The following CSNK1G1 variants were observed in gnomAD, a reference collection of about 807,000 sequenced individuals.
CSNK1G1 encodes casein kinase I isoform gamma-1.
CSNK1G1 carries 22 observed loss-of-function variants against 59.6 expected under a neutral mutation model. The observed-to-expected ratio is 0.37, with a 90% CI of 0.26 to 0.53. The LOEUF (loss-of-function observed/expected upper bound fraction) is 0.53, where lower values mean the gene tolerates loss of function less well. CSNK1G1 is among the 20% of genes least tolerant of loss of function. The pLI, the probability that CSNK1G1 is intolerant of heterozygous loss-of-function variation, is 0.89. For synonymous variants in CSNK1G1, 179 were observed against 177.1 expected, an observed-to-expected ratio of 1.01 and a Z score of -0.08; for missense variants, 384 against 519.5, an observed-to-expected ratio of 0.74 and a Z score of 2.54.
chr15:64,194,409 C>T (rs1330470344), intron 10 of CSNK1G1: 3 of 151,582 alleles, frequency 2.0e-5, no homozygotes, highest in African/African-American at 7.3e-5. Context: ...AGCAATGTGG[C>T]CTAATGTTTC....
intron 1 of CSNK1G1, among the ~76,000 whole-genome samples, chr15:64,324,865 A>G (rs1486347906): frequency 6.6e-6 from 1 of 152,236 alleles, no homozygotes; most frequent in African/African-American, 2.4e-5. Flanking sequence ...ACAAATGCAC[A>G]TGGTATTATA....
chr15:64,204,333 T>C, intron 9 of CSNK1G1, 108 bp downstream of exon 9: 3 of 953,806 alleles, frequency 3.1e-6, no homozygotes, highest in Non-Finnish European at 3.0e-6. Context: ...AAAGGAATAT[T>C]TTTACCAAAG....
chr15:64,233,971 A>G (rs1344793959), intron 4 of CSNK1G1, among the ~76,000 whole-genome samples: 1 of 152,188 alleles, frequency 6.6e-6, no homozygotes, highest in Non-Finnish European at 1.5e-5. Flanking sequence ...ATGTTTCCTG[A>G]CAATGCAGGT....
chr15:64,297,562 C>G (rs947048445), intron 2 of CSNK1G1, among the ~76,000 whole-genome samples: 1 of 151,922 alleles, frequency 6.6e-6, no homozygotes, highest in African/African-American at 2.4e-5. Context: ...AAAAAATTAG[C>G]TGGGCGTGTT....
rs986495334 is a variant in CSNK1G1, at chr15:64,256,252, C to G, written c.222+2949G>C. Among the ~76,000 whole-genome samples the G allele has an allele frequency of 3.7e-4, 57 of 152,336 alleles. 1 individual carries two copies. The highest frequency in any genetic ancestry group is 1.2e-3 in the African/African-American group (50 of 41,564). On this transcript the variant is annotated intron_variant, in intron 3 of 11. Transcript: ENST00000303052. ...CAGAGAAATCGCTTTTGGATTCTGA[C>G]AAACCACAGAGGCAATGAATTTTAA...
At chr15:64,198,017 T>A (rs1175396097) in intron 10 of CSNK1G1, among the ~76,000 whole-genome samples, 1 of 151,966 alleles carries the variant, frequency 6.6e-6, no homozygotes, top group Non-Finnish European at 1.5e-5. Flanking sequence ...TCTCATCAAA[T>A]TATTTGTCTT....
rs2082314558 is a variant in CSNK1G1, at chr15:64,216,570, T to C, written c.436A>G (p.Ile146Val). The C allele has an allele frequency of 6.2e-7, 1 of 1,613,848 alleles. No individual in the cohort carries two copies. Among genetic ancestry groups the C allele is most frequent in the African/African-American group, 1.3e-5 (1 of 75,024 alleles). Reference sequence around the variant, plus strand: ...GAGCAATTCCAACTTACCAGCTGGATGGCTATCATTAACACCGTCTTCAAA... The same window carrying C: ...GAGCAATTCCAACTTACCAGCTGGACGGCTATCATTAACACCGTCTTCAAA... ...FTLKTVLMIA[I>V]QLLSRMEYVH... is the part of the protein sequence containing the mutation. Residue 146 changes from isoleucine to valine, a missense_variant, in exon 5 of 12, where the codon ATC becomes GTC. By Grantham distance (29) the Ile-to-Val change is conservative (BLOSUM62 3). Around this residue, in one of 3 missense-constraint regions of CSNK1G1, gnomAD observed 325 missense variants for 440.9 expected, o/e 0.74. Transcript: ENST00000303052. This position sits in a 1 kb window ranked among gnomAD's most constrained non-coding sequence, Gnocchi z 4.6.
intron 1 of CSNK1G1, among the ~76,000 whole-genome samples, chr15:64,307,321 A>G (rs547062305): frequency 2.0e-5 from 3 of 152,308 alleles, no homozygotes; most frequent in African/African-American, 4.8e-5. Context: ...AAATCTAAAA[A>G]TAAAGCCTGT....
intron 1 of CSNK1G1, among the ~76,000 whole-genome samples, chr15:64,351,949 A>G (rs546292805): frequency 6.6e-6 from 1 of 152,298 alleles, no homozygotes; most frequent in Admixed American, 6.5e-5. Flanking sequence ...GGAGCTTCTG[A>G]GAGCTTTACC....
intron 4 of CSNK1G1, among the ~76,000 whole-genome samples, chr15:64,236,142 C>CAAAAAA (rs532663571): frequency 5.3e-4 from 36 of 67,528 alleles, no homozygotes; most frequent in South Asian, 1.1e-3. Context: ...GACTCCATCT[C>CAAAAAA]AAAAAAAAAA....
chr15:64,232,374 A>C (rs1027662641), intron 4 of CSNK1G1, among the ~76,000 whole-genome samples: 4 of 152,250 alleles, frequency 2.6e-5, no homozygotes, highest in African/African-American at 7.2e-5. Flanking sequence ...AGTAGGCACA[A>C]GGAGTTATCT....
At chr15:64,175,271 T>G (rs781626570) in intron 11 of CSNK1G1, among the ~76,000 whole-genome samples, 2 of 152,078 alleles carry the variant, frequency 1.3e-5, no homozygotes, top group Non-Finnish European at 2.9e-5. Flanking sequence ...CAATCTGGCT[T>G]AGATAGTTAG....
chr15:64,266,812 TAGAA>T (rs767457885), intron 2 of CSNK1G1, among the ~76,000 whole-genome samples: 8 of 152,126 alleles, frequency 5.3e-5, no homozygotes, highest in Non-Finnish European at 1.0e-4. Context: ...TATTCACACA[TAGAA>T]GGAAGAAAGT....
chr15:64,183,857 T>A (rs1388894778), intron 10 of CSNK1G1, among the ~76,000 whole-genome samples: 1 of 151,434 alleles, frequency 6.6e-6, no homozygotes, highest in Non-Finnish European at 1.5e-5. Context: ...TGCCTCAGCC[T>A]CCCGAGTAGC....
At chr15:64,266,733 C>T (rs1025756322) in intron 2 of CSNK1G1, among the ~76,000 whole-genome samples, 2 of 152,084 alleles carry the variant, frequency 1.3e-5, no homozygotes, top group African/African-American at 4.8e-5. Flanking sequence ...AACTGATTTT[C>T]GACAAAGATG....
At chr15:64,208,929 C>T (rs544764888) in intron 6 of CSNK1G1, among the ~76,000 whole-genome samples, 2 of 151,088 alleles carry the variant, frequency 1.3e-5, no homozygotes, top group African/African-American at 2.4e-5. Flanking sequence ...GCTCTGTTGC[C>T]TAGGCTAGAG....
At chr15:64,316,008 T>A (rs1332956190) in intron 1 of CSNK1G1, among the ~76,000 whole-genome samples, 1 of 152,150 alleles carries the variant, frequency 6.6e-6, no homozygotes, top group African/African-American at 2.4e-5. Context: ...AAAGCACACA[T>A]TTGGGTTTTG....
At chr15:64,180,499 G>A (rs1457540230) in intron 10 of CSNK1G1, 45 bp from the exon 11 acceptor site, 8 of 1,494,914 alleles carry the variant, frequency 5.4e-6, no homozygotes, top group African/African-American at 4.1e-5. Context: ...CATGGCAACA[G>A]AAATCTCTTG....
intron 2 of CSNK1G1, among the ~76,000 whole-genome samples, chr15:64,264,452 G>A (rs1892873101): frequency 6.6e-6 from 1 of 152,106 alleles, no homozygotes. Context: ...AACATTGAAA[G>A]AAAAAATATA....
Sources: gnomAD v4.1 joint callset for allele counts (sites outside exome capture counted in the v4.1 genomes callset) on GRCh38, gnomAD v4.1.1 for gene constraint, gnomAD v4.1.1 regional missense constraint, Gnocchi (gnomAD v3.1) non-coding constraint, MANE v1.5 for transcripts, NCBI Gene and HGNC (gene_info 2026-07-23, HGNC 2026-07-21) for gene names.